The following AGMO variants were observed in gnomAD, a reference collection of about 807,000 sequenced individuals.
AGMO encodes glyceryl-ether monooxygenase.
AGMO carries 75 observed loss-of-function variants against 60.2 expected under a neutral mutation model. That is an observed-to-expected ratio of 1.25 (90% CI 1.03 to 1.51). The LOEUF is 1.51. Ranked by LOEUF, AGMO falls within the 40% of genes most tolerant of loss-of-function variation. AGMO has a pLI of 0.00. For synonymous variants in AGMO, 261 were observed against 177.1 expected (o/e 1.47, Z -3.76); for missense variants, 763 against 525.5 (o/e 1.45, Z -4.42).
the AGMO span, among the ~76,000 whole-genome samples, chr7:15,159,313 T>C: frequency 6.6e-6 from 1 of 152,172 alleles, no homozygotes; most frequent in Admixed American, 6.5e-5. Context: ...TTTTCAAATA[T>C]CTCAAAGTTT....
chr7:15,291,611 A>C (rs552476062), intron 12 of AGMO, among the ~76,000 whole-genome samples: 1 of 152,310 alleles, frequency 6.6e-6, no homozygotes, highest in Non-Finnish European at 1.5e-5. Flanking sequence ...CACAAAAAAA[A>C]ACTTGTCAAC....
intron 12 of AGMO, among the ~76,000 whole-genome samples, chr7:15,288,898 G>A (rs760009638): frequency 4.6e-5 from 7 of 151,008 alleles, no homozygotes; most frequent in Non-Finnish European, 8.8e-5. Context: ...TAAAGCTTCC[G>A]TAAGTTTTGG....
At chr7:15,346,485 C>A (rs1466142346) in intron 12 of AGMO, among the ~76,000 whole-genome samples, 2 of 151,554 alleles carry the variant, frequency 1.3e-5, no homozygotes, top group East Asian at 1.9e-4. Context: ...AATCTTTTTT[C>A]ATTAGGATGT....
chr7:15,259,899 C>CAAAAAAAAA (rs71549927), intron 12 of AGMO, among the ~76,000 whole-genome samples: 246 of 9,416 alleles, frequency 0.026, 42 homozygotes, highest in Non-Finnish European at 0.03. Context: ...ACAAGAACTG[C>CAAAAAAAAA]AAAAAAAAAA....
At chr7:15,495,715 T>C (rs999885091) in intron 3 of AGMO, among the ~76,000 whole-genome samples, 2 of 152,136 alleles carry the variant, frequency 1.3e-5, no homozygotes, top group South Asian at 2.1e-4. Context: ...ATCAAGGTTC[T>C]AGCAGATTTG....
chr7:15,324,755 C>T (rs1030818628), intron 12 of AGMO, among the ~76,000 whole-genome samples: 4 of 152,112 alleles, frequency 2.6e-5, no homozygotes, highest in East Asian at 1.9e-4. Context: ...ACAAGGACTG[C>T]GCAATCTAGA....
chr7:15,316,447 G>A (rs907663691), intron 12 of AGMO, among the ~76,000 whole-genome samples: 1 of 152,152 alleles, frequency 6.6e-6, no homozygotes, highest in African/African-American at 2.4e-5. Context: ...TACTCATTGA[G>A]TCTGAAACAA....
At chr7:15,309,264 C>A (rs771575553) in intron 12 of AGMO, among the ~76,000 whole-genome samples, 10 of 152,110 alleles carry the variant, frequency 6.6e-5, no homozygotes, top group South Asian at 6.2e-4. Context: ...GACAGGCAAG[C>A]TGAGTAGGGC....
rs567212432 is a variant in AGMO at position 15,429,633 on chromosome 7, C to A, written c.513+1372G>T. Among the ~76,000 whole-genome samples, 267 of 152,094 alleles carry A rather than the reference C, an allele frequency of 1.8e-3. 3 individuals carry two copies. Among genetic ancestry groups the A allele is most frequent in the African/African-American group, 4.2e-3 (174 of 41,550 alleles). On this transcript the variant is annotated intron_variant, in intron 4 of 12. Transcript: ENST00000342526. ...TCTAGAAAAAGAATACAAGCGTCATCACAGGTGTATGGTGTGGGAGTTTGA... is the reference window on the plus strand; with the variant it reads ...TCTAGAAAAAGAATACAAGCGTCATAACAGGTGTATGGTGTGGGAGTTTGA...
At chr7:15,309,664 G>GA (rs1780712888) in intron 12 of AGMO, among the ~76,000 whole-genome samples, 1 of 152,034 alleles carries the variant, frequency 6.6e-6, no homozygotes, top group Non-Finnish European at 1.5e-5. Flanking sequence ...TGTATGTGTA[G>GA]ATTTGTGTAT....
the AGMO span, among the ~76,000 whole-genome samples, chr7:15,122,962 G>C: frequency 2.0e-5 from 3 of 152,054 alleles, no homozygotes; most frequent in Non-Finnish European, 2.9e-5. Flanking sequence ...TTGCCCACAG[G>C]ATAGTATATA....
At chr7:15,246,384 T>C (rs1782742899) in intron 12 of AGMO, among the ~76,000 whole-genome samples, 1 of 152,220 alleles carries the variant, frequency 6.6e-6, no homozygotes, top group African/African-American at 2.4e-5. Context: ...GAGAAACAAC[T>C]ACTGATAAAA....
chr7:15,261,214 C>T (rs149451289), intron 12 of AGMO, among the ~76,000 whole-genome samples: 14 of 151,722 alleles, frequency 9.2e-5, no homozygotes, highest in Non-Finnish European at 1.5e-4. Flanking sequence ...TAAATTAAAC[C>T]AAAAGCTTGT....
intron 3 of AGMO, among the ~76,000 whole-genome samples, chr7:15,500,438 G>A (rs1485969971): frequency 6.6e-6 from 1 of 151,664 alleles, no homozygotes; most frequent in African/African-American, 2.4e-5. Flanking sequence ...ATCCAAGAAG[G>A]AAAACCCTAC....
At chr7:15,202,572 A>T (rs955570526) in intron 12 of AGMO, among the ~76,000 whole-genome samples, 6 of 151,188 alleles carry the variant, frequency 4.0e-5, no homozygotes, top group African/African-American at 1.5e-4. Context: ...GAGAACCATC[A>T]TCCTTCACAT....
At chr7:15,315,686 A>C (rs1278037442) in intron 12 of AGMO, among the ~76,000 whole-genome samples, 1 of 152,078 alleles carries the variant, frequency 6.6e-6, no homozygotes, top group African/African-American at 2.4e-5. Flanking sequence ...TCTAGTTCTA[A>C]AATTAATAGA....
At chr7:15,360,247 C>G (rs1782697727) in intron 12 of AGMO, among the ~76,000 whole-genome samples, 1 of 152,136 alleles carries the variant, frequency 6.6e-6, no homozygotes, top group African/African-American at 2.4e-5. Flanking sequence ...ATTAAAATAA[C>G]TACAAGCTTC....
At chr7:15,179,840 GAC>G in the AGMO span, among the ~76,000 whole-genome samples, 1 of 152,268 alleles carries the variant, frequency 6.6e-6, no homozygotes, top group Non-Finnish European at 1.5e-5. Context: ...TCAACCGGTA[GAC>G]ACTGCCATGG....
chr7:15,130,887 A>G, the AGMO span, among the ~76,000 whole-genome samples: 65,692 of 151,980 alleles, frequency 0.43, 14,542 homozygotes, highest in South Asian at 0.55. Context: ...TTTCTTGAGC[A>G]TTCCATCTGC....
Sources: allele counts gnomAD v4.1 joint callset (sites outside exome capture counted in the v4.1 genomes callset), GRCh38; gene constraint gnomAD v4.1.1; transcripts MANE v1.5; gene names NCBI Gene and HGNC (gene_info 2026-07-23, HGNC 2026-07-21).